Variants in SEPTIN11 observed in about 807,000 individuals in gnomAD.
SEPTIN11 encodes the protein septin-11.
A neutral mutation model predicts 51.4 loss-of-function variants in SEPTIN11; 25 were observed. The ratio of observed to expected loss-of-function variants is 0.49; its 90% CI spans 0.35 to 0.68. The LOEUF is 0.68. SEPTIN11 is among the 30% of genes least tolerant of loss of function. The pLI, the probability that SEPTIN11 is intolerant of heterozygous loss-of-function variation, is 0.00. For synonymous variants in SEPTIN11, 174 were observed against 184.1 expected, an observed-to-expected ratio of 0.95 and a Z score of 0.44; for missense variants, 381 against 520.8, an observed-to-expected ratio of 0.73 and a Z score of 2.61.
intron 1 of SEPTIN11, among the ~76,000 whole-genome samples, chr4:76,954,440 C>G (rs1439414666): frequency 6.6e-6 from 1 of 152,176 alleles, no homozygotes; most frequent in East Asian, 1.9e-4. Flanking sequence ...AGGAGATCTA[C>G]TTTACAATAT....
chr4:77,011,288 T>G (rs977949034), intron 3 of SEPTIN11, among the ~76,000 whole-genome samples: 1 of 152,076 alleles, frequency 6.6e-6, no homozygotes, highest in African/African-American at 2.4e-5. Flanking sequence ...TCACAGTCAC[T>G]TTTCTGAGAT....
chr4:76,949,888 C>T lies in SEPTIN11; in HGVS notation c.-16C>T, dbSNP rs1376342745. 20 of 1,526,924 alleles carry T rather than the reference C, an allele frequency of 1.3e-5. No individual in the cohort carries two copies. The highest frequency in any genetic ancestry group is 1.7e-5 in the Non-Finnish European group (20 of 1,144,524). The allele number at this position is 1,526,924 out of a possible 1,614,324, so 94.6% of individuals were successfully genotyped here. ...TAAAGCACCCGGGCGCAGCCGGAGC[C>T]GGTGCCGCAGCTGCGATGGCCGTGG... On this transcript the variant is annotated 5_prime_UTR_variant, in exon 1 of 10. Coordinates refer to ENST00000264893, the MANE Select transcript of SEPTIN11 (RefSeq NM_018243.4).
intron 2 of SEPTIN11, among the ~76,000 whole-genome samples, chr4:76,999,713 G>A (rs1174723431): frequency 2.0e-5 from 3 of 152,176 alleles, no homozygotes; most frequent in Non-Finnish European, 4.4e-5. Flanking sequence ...CAGAGATAAT[G>A]AATTAAATGT....
In SEPTIN11 at chr4:77,035,968, T is replaced by C. The variant is rs551828883; in HGVS notation, c.*1456T>C. ...CACTGCCCCTCTGCATTTTCCTCAC[T>C]GGTTAGAGATTAAGTAAATAGGATA... On this transcript the variant is annotated 3_prime_UTR_variant, in exon 10 of 10. Coordinates refer to ENST00000264893, the MANE Select transcript of SEPTIN11 (RefSeq NM_018243.4). The C allele has an allele frequency of 4.5e-5, 44 of 985,886 alleles. No homozygotes were observed. The African/African-American group carries it at 7.5e-4, about 17-fold the overall frequency. 61.1% of individuals were successfully genotyped at this position (985,886 alleles called of 1,614,324 possible).
chr4:76,987,207 G>C (rs1723074934), intron 1 of SEPTIN11, among the ~76,000 whole-genome samples: 1 of 152,142 alleles, frequency 6.6e-6, no homozygotes, highest in African/African-American at 2.4e-5. Flanking sequence ...TTCCAGCTGG[G>C]CCGCACTGAG....
chr4:77,023,315 AATAAT>A (rs1725873113), intron 7 of SEPTIN11, among the ~76,000 whole-genome samples: 1 of 147,644 alleles, frequency 6.8e-6, no homozygotes, highest in Admixed American at 6.8e-5. Context: ...ATATATATAA[AATAAT>A]ATATATTAAT....
chr4:77,031,222 C>T (rs1025955081), intron 9 of SEPTIN11: 1 of 407,742 alleles, frequency 2.5e-6, no homozygotes, highest in African/African-American at 2.1e-5. Flanking sequence ...TCTCCAGTAG[C>T]ATCTTCCACA....
intron 4 of SEPTIN11, among the ~76,000 whole-genome samples, chr4:77,014,154 A>T (rs1390558502): frequency 6.6e-6 from 1 of 152,200 alleles, no homozygotes; most frequent in African/African-American, 2.4e-5. Context: ...GCTCGATTTT[A>T]TTCTGGCATG....
chr4:76,949,780 C>G lies in SEPTIN11; in HGVS notation c.-124C>G, dbSNP rs577206718. The G allele has an allele frequency of 1.0e-3, 1,085 of 1,053,576 alleles. 26 individuals carry two copies. The South Asian group carries it at 0.016, about 16-fold the overall frequency. 65.3% of individuals were successfully genotyped at this position (1,053,576 alleles called of 1,614,324 possible). Reference sequence around the variant, plus strand: ...CAGATGCCGCTGGCTGCCAGCGGGACGCCGGCGAGCAGAGCGCAGCCGCGA... The same window carrying G: ...CAGATGCCGCTGGCTGCCAGCGGGAGGCCGGCGAGCAGAGCGCAGCCGCGA... On this transcript the variant is annotated 5_prime_UTR_variant, in exon 1 of 10. Transcript: ENST00000264893.
intron 5 of SEPTIN11, among the ~76,000 whole-genome samples, chr4:77,017,948 C>T (rs1042127267): frequency 6.6e-6 from 1 of 152,104 alleles, no homozygotes; most frequent in African/African-American, 2.4e-5. Context: ...AAGTGTGTTT[C>T]GGACTTAGAA....
At chr4:76,976,770 C>T (rs944457965) in intron 1 of SEPTIN11, among the ~76,000 whole-genome samples, 7 of 152,090 alleles carry the variant, frequency 4.6e-5, no homozygotes, top group Non-Finnish European at 7.4e-5. Context: ...ATCTTTTATC[C>T]CATTGCAAAT....
At chr4:76,992,780 A>T (rs1328797478) in intron 1 of SEPTIN11, among the ~76,000 whole-genome samples, 1 of 152,198 alleles carries the variant, frequency 6.6e-6, no homozygotes, top group African/African-American at 2.4e-5. Flanking sequence ...TTTTATTGGG[A>T]TCTGGAAGAT....
chr4:77,004,436 A>G (rs1724339307), intron 2 of SEPTIN11, among the ~76,000 whole-genome samples: 1 of 152,186 alleles, frequency 6.6e-6, no homozygotes, highest in Non-Finnish European at 1.5e-5. Context: ...GATTAATATA[A>G]CCATAACTGG....
At chr4:76,963,290 T>A (rs757417433) in intron 1 of SEPTIN11, among the ~76,000 whole-genome samples, 4 of 152,244 alleles carry the variant, frequency 2.6e-5, no homozygotes, top group Admixed American at 2.6e-4. Flanking sequence ...CTAATTGAAA[T>A]TGTGCAATTC....
rs1000728421 is a variant in SEPTIN11, at chr4:76,971,251, A to G, written c.27+21321A>G. On this transcript the variant is annotated intron_variant, in intron 1 of 9. Transcript: ENST00000264893. ...TGAAACCATTAAAAACCTATGATAC[A>G]TTAATATATCAAACCTATGAGATGT... Among the ~76,000 whole-genome samples, 6 of 152,320 alleles carry G rather than the reference A, an allele frequency of 3.9e-5. No homozygotes were observed. In the East Asian group the frequency reaches 1.2e-3, roughly 29 times the overall value.
In SEPTIN11 at chr4:77,036,961, C is replaced by T; in HGVS notation, c.*2449C>T. ...GCAGGAAGGTAATGGTTTGAGTAGC[C>T]TTTGTTTAAAAAAAAGACTAAATAT... On this transcript the variant is annotated 3_prime_UTR_variant, in exon 10 of 10. Transcript: ENST00000264893. 1 of 1,270,680 alleles carries T rather than the reference C, an allele frequency of 7.9e-7. No individual in the cohort carries two copies. The highest frequency in any genetic ancestry group is 9.9e-7 in the Non-Finnish European group (1 of 1,010,796). 78.7% of individuals were successfully genotyped at this position (1,270,680 alleles called of 1,614,324 possible). A position where few individuals can be genotyped will look rare whatever the true frequency, so the allele number is the denominator to read the frequency against.
chr4:77,030,580 A>G (rs889004558), intron 8 of SEPTIN11, among the ~76,000 whole-genome samples: 2 of 152,004 alleles, frequency 1.3e-5, no homozygotes, highest in African/African-American at 4.8e-5. Context: ...TATTTTTAGT[A>G]GAGATGGGGT....
intron 1 of SEPTIN11, among the ~76,000 whole-genome samples, chr4:76,975,136 G>GAAAAAAAAAA (rs200578172): frequency 1.8e-5 from 2 of 112,764 alleles, no homozygotes; most frequent in African/African-American, 3.3e-5. Flanking sequence ...GAAGAAAAAA[G>GAAAAAAAAAA]AAAAAAAAAA....
At chr4:76,993,648 T>C (rs1363691080) in intron 1 of SEPTIN11, among the ~76,000 whole-genome samples, 1 of 152,094 alleles carries the variant, frequency 6.6e-6, no homozygotes, top group East Asian at 1.9e-4. Context: ...TTTTTCCCTT[T>C]CCCCCATCAC....
Sources: allele counts gnomAD v4.1 joint callset (sites outside exome capture counted in the v4.1 genomes callset), GRCh38; gene constraint gnomAD v4.1.1; transcripts MANE v1.5; gene names NCBI Gene and HGNC (gene_info 2026-07-23, HGNC 2026-07-21).